ARL15: variants seen among roughly 807,000 people sequenced by gnomAD.
ARL15 encodes the protein ADP-ribosylation factor-like protein 15.
Under a neutral mutation model 25.2 loss-of-function variants are expected in ARL15, and 19 were observed. The observed-to-expected ratio is 0.75, with a 90% CI of 0.53 to 1.10. The LOEUF (loss-of-function observed/expected upper bound fraction) is 1.10, where lower values mean the gene tolerates loss of function less well. Among genes scored for constraint, ARL15 ranks in the 50% least tolerant of loss-of-function variants. The probability of loss-of-function intolerance (pLI) is 0.00; values close to 1 mark genes in which losing one functional copy is unlikely to be tolerated. For missense variants in ARL15, 220 were observed against 246.0 expected (o/e 0.89, Z 0.71); for synonymous variants, 94 against 86.8 (o/e 1.08, Z -0.46).
At chr5:54,260,081 T>C (rs1434687125) in intron 1 of ARL15, among the ~76,000 whole-genome samples, 1 of 152,300 alleles carries the variant, frequency 6.6e-6, no homozygotes, top group African/African-American at 2.4e-5. Flanking sequence ...GCCCATAGTC[T>C]CAGAGGAAAG....
intron 3 of ARL15, among the ~76,000 whole-genome samples, chr5:54,114,886 A>C (rs1478303671): frequency 6.6e-6 from 1 of 152,240 alleles, no homozygotes; most frequent in Non-Finnish European, 1.5e-5. Flanking sequence ...TTTATTGCAT[A>C]TGATCAAGTC....
At position 54,014,063 on chromosome 5, in the gene ARL15, T is replaced by A. The variant is rs1749330622; in HGVS notation, c.462+99139A>T. 2.0e-5 allele frequency among the ~76,000 whole-genome samples: 3 copies of A among 152,310 alleles called. No individual in the cohort carries two copies. The South Asian group carries it at 6.2e-4, about 32-fold the overall frequency. On this transcript the variant is annotated intron_variant, in intron 4 of 4. Transcript: ENST00000504924. ...TCTGAAATATTTCAAAATCTGAAACTTTTTGAGTGCTGACATGACACTCAA... is the reference window on the plus strand; with the variant it reads ...TCTGAAATATTTCAAAATCTGAAACATTTTGAGTGCTGACATGACACTCAA...
chr5:54,100,469 T>C (rs1752403825), intron 4 of ARL15, among the ~76,000 whole-genome samples: 1 of 152,066 alleles, frequency 6.6e-6, no homozygotes, highest in African/African-American at 2.4e-5. Context: ...CTTACCTATA[T>C]GTTTGAAATT....
At chr5:53,966,985 TATA>T (rs1435970689) in intron 4 of ARL15, among the ~76,000 whole-genome samples, 1 of 152,186 alleles carries the variant, frequency 6.6e-6, no homozygotes, top group Non-Finnish European at 1.5e-5. Context: ...GTTGCAGCCA[TATA>T]ATAATGTCAT....
At chr5:54,151,023 C>T (rs1754052847) in intron 3 of ARL15, among the ~76,000 whole-genome samples, 1 of 152,104 alleles carries the variant, frequency 6.6e-6, no homozygotes, top group Admixed American at 6.6e-5. Flanking sequence ...CTGATACCAA[C>T]CTCCGGCTCC....
chr5:54,046,210 G>T (rs1750505737), intron 4 of ARL15, among the ~76,000 whole-genome samples: 1 of 152,216 alleles, frequency 6.6e-6, no homozygotes, highest in South Asian at 2.1e-4. Context: ...GCTGGGCGTG[G>T]TGGCTTACAC....
chr5:53,948,300 C>G (rs1746818038), intron 4 of ARL15, among the ~76,000 whole-genome samples: 1 of 152,224 alleles, frequency 6.6e-6, no homozygotes. Flanking sequence ...TTTACCCCAC[C>G]TAACTCCTAT....
Position 53,884,663 on chromosome 5 carries a change from C to CACA in ARL15, c.*1895_*1897dup, listed in dbSNP as rs1561134722. On this transcript the variant is annotated 3_prime_UTR_variant, in exon 5 of 5. Coordinates refer to ENST00000504924, the MANE Select transcript of ARL15 (RefSeq NM_019087.3). ...TTTGAGGAGAGGCCCATCACTGGCGCACACATGAACACACACACGCAGACC... is the reference window on the plus strand; with the variant it reads ...TTTGAGGAGAGGCCCATCACTGGCGCACAACACATGAACACACACACGCAGACC... The CACA allele has an allele frequency of 6.6e-6, 1 of 152,046 alleles. No homozygotes were observed. Among genetic ancestry groups the CACA allele is most frequent in the Non-Finnish European group, 1.5e-5 (1 of 68,026 alleles). 9.4% of individuals were successfully genotyped at this position (152,046 alleles called of 1,614,324 possible).
intron 1 of ARL15, among the ~76,000 whole-genome samples, chr5:54,253,162 G>A (rs767198656): frequency 9.2e-5 from 14 of 151,984 alleles, no homozygotes; most frequent in African/African-American, 2.2e-4. Flanking sequence ...ATAGGTATAC[G>A]GCATTTTATG....
At chr5:54,096,047 T>C (rs868231082) in intron 4 of ARL15, among the ~76,000 whole-genome samples, 2 of 152,200 alleles carry the variant, frequency 1.3e-5, no homozygotes, top group Non-Finnish European at 2.9e-5. Flanking sequence ...TACTTCATTT[T>C]TGTGGACCTT....
At chr5:54,149,598 G>T (rs956513829) in intron 3 of ARL15, among the ~76,000 whole-genome samples, 2 of 152,102 alleles carry the variant, frequency 1.3e-5, no homozygotes, top group African/African-American at 4.8e-5. Flanking sequence ...CCCTCACAAG[G>T]ATTATATGAC....
intron 1 of ARL15, among the ~76,000 whole-genome samples, chr5:54,204,221 G>T (rs1220640075): frequency 1.3e-5 from 2 of 152,020 alleles, no homozygotes; most frequent in Non-Finnish European, 2.9e-5. Context: ...TAACAGTGAG[G>T]GTGAAGACAA....
chr5:54,079,004 C>T (rs909286763), intron 4 of ARL15, among the ~76,000 whole-genome samples: 17 of 151,916 alleles, frequency 1.1e-4, no homozygotes, highest in African/African-American at 4.1e-4. Flanking sequence ...GTGCATTTCA[C>T]TAAAACATCA....
chr5:54,039,202 G>T (rs114890256), intron 4 of ARL15, among the ~76,000 whole-genome samples: 265 of 152,130 alleles, frequency 1.7e-3, no homozygotes, highest in African/African-American at 6.1e-3. Flanking sequence ...AATGTTTGTC[G>T]TACCTTGTAT....
intron 3 of ARL15, among the ~76,000 whole-genome samples, chr5:54,129,751 C>G (rs1417174789): frequency 6.6e-6 from 1 of 152,150 alleles, no homozygotes; most frequent in South Asian, 2.1e-4. Context: ...CTGTCTAATC[C>G]AGCCTCACCT....
At chr5:53,973,781 A>C (rs1349758668) in intron 4 of ARL15, among the ~76,000 whole-genome samples, 2 of 151,972 alleles carry the variant, frequency 1.3e-5, no homozygotes, top group African/African-American at 2.4e-5. Context: ...AAATACACAG[A>C]CTTAACTGAG....
intron 4 of ARL15, among the ~76,000 whole-genome samples, chr5:54,026,598 G>A (rs990442105): frequency 6.6e-6 from 1 of 152,120 alleles, no homozygotes; most frequent in Non-Finnish European, 1.5e-5. Context: ...ATTCTGAGTC[G>A]AACATTCAAG....
chr5:54,171,713 A>G, intron 2 of ARL15, 71 bp downstream of exon 2: 1 of 1,498,172 alleles, frequency 6.7e-7, no homozygotes. Flanking sequence ...GGGAGGGGAT[A>G]AATTGCACAG....
intron 1 of ARL15, among the ~76,000 whole-genome samples, chr5:54,222,847 G>A (rs897081327): frequency 2.0e-5 from 3 of 151,914 alleles, no homozygotes; most frequent in Admixed American, 2.0e-4. Flanking sequence ...TTTTTGAGAC[G>A]GAGTCTCACT....
Sources: allele counts gnomAD v4.1 joint callset (sites outside exome capture counted in the v4.1 genomes callset), GRCh38; gene constraint gnomAD v4.1.1; transcripts MANE v1.5; gene names NCBI Gene and HGNC (gene_info 2026-07-23, HGNC 2026-07-21).